The following ACER2 variants were observed in gnomAD, a reference collection of about 807,000 sequenced individuals.
ACER2 encodes the protein alkaline ceramidase 2, also known as alkCDase 2.
In ACER2, 26 loss-of-function variants were observed where a neutral mutation model predicts 34.7. The observed-to-expected ratio is 0.75, with a 90% CI of 0.55 to 1.04. The LOEUF is 1.04. Ranked by LOEUF, ACER2 falls within the 50% of genes least tolerant of loss-of-function variation. The pLI, the probability that ACER2 is intolerant of heterozygous loss-of-function variation, is 0.00. For missense variants in ACER2, 352 were observed against 340.8 expected, an observed-to-expected ratio of 1.03 and a Z score of -0.26; for synonymous variants, 138 against 132.1, an observed-to-expected ratio of 1.04 and a Z score of -0.31.
intron 1 of ACER2, among the ~76,000 whole-genome samples, chr9:19,421,349 A>G (rs948659661): frequency 6.6e-6 from 1 of 152,212 alleles, no homozygotes; most frequent in Non-Finnish European, 1.5e-5. Context: ...GCAACAATTA[A>G]TGTATGAATA....
At chr9:19,437,475 C>T (rs1412390039) in intron 4 of ACER2, among the ~76,000 whole-genome samples, 1 of 152,178 alleles carries the variant, frequency 6.6e-6, no homozygotes, top group African/African-American at 2.4e-5. Context: ...CACCCTCACA[C>T]CCCTCCAGAG....
At chr9:19,426,358 T>TTC (rs59963606) in intron 3 of ACER2, among the ~76,000 whole-genome samples, 8,169 of 117,972 alleles carry the variant, frequency 0.069, 327 homozygotes, top group East Asian at 0.22. Flanking sequence ...CTCCCTCTCT[T>TTC]TCTCTCTCTC....
chr9:19,442,969 A>G (rs1473788082), intron 4 of ACER2, among the ~76,000 whole-genome samples: 1 of 151,788 alleles, frequency 6.6e-6, no homozygotes, highest in Non-Finnish European at 1.5e-5. Flanking sequence ...AGTAGCTGGG[A>G]CTACAGATGC....
intron 4 of ACER2, among the ~76,000 whole-genome samples, chr9:19,445,071 G>C (rs1174794734): frequency 6.6e-6 from 1 of 152,206 alleles, no homozygotes; most frequent in East Asian, 1.9e-4. Flanking sequence ...CAGATGTCGT[G>C]TTGTATTCTG....
At chr9:19,425,518 A>G (rs554601534) in intron 3 of ACER2, among the ~76,000 whole-genome samples, 1 of 152,256 alleles carries the variant, frequency 6.6e-6, no homozygotes, top group South Asian at 2.1e-4. Flanking sequence ...CACAGTAAAC[A>G]AAACAGCAGT....
intron 4 of ACER2, among the ~76,000 whole-genome samples, chr9:19,439,920 T>A (rs1200682939): frequency 6.6e-6 from 1 of 150,592 alleles, no homozygotes; most frequent in African/African-American, 2.5e-5. Flanking sequence ...TGCGTGGAGA[T>A]GTGGAGATCA....
chr9:19,426,351 CCTCTCTTTCTCTCT>C (rs1563878904), intron 3 of ACER2, among the ~76,000 whole-genome samples: 1 of 111,638 alleles, frequency 9.0e-6, no homozygotes, highest in African/African-American at 3.7e-5. Context: ...TGTCTTTCTC[CCTCTCTTTCTCTCT>C]CTCTCTCTCT....
chr9:19,450,408 C>G, intron 5 of ACER2, 42 bp from the exon 6 acceptor site: 1 of 1,536,388 alleles, frequency 6.5e-7, no homozygotes, highest in Non-Finnish European at 8.9e-7. Context: ...GCAGCGGAGT[C>G]TTCATGCTCA....
intron 4 of ACER2, among the ~76,000 whole-genome samples, chr9:19,438,147 G>C (rs1024400624): frequency 6.6e-6 from 1 of 152,184 alleles, no homozygotes; most frequent in Non-Finnish European, 1.5e-5. Flanking sequence ...TACTAGCCTG[G>C]AAACTTTGGG....
chr9:19,418,709 G>A (rs186819557), intron 1 of ACER2, among the ~76,000 whole-genome samples: 6 of 152,272 alleles, frequency 3.9e-5, no homozygotes, highest in African/African-American at 1.4e-4. Flanking sequence ...TAGAGGGCTA[G>A]GGGAGGGATA....
intron 3 of ACER2, among the ~76,000 whole-genome samples, chr9:19,428,064 TTTCCTTTCCTTTCCTTCTCTC>T (rs1830633658): frequency 7.1e-6 from 1 of 140,098 alleles, no homozygotes. Flanking sequence ...TTTCCTTTCC[TTTCCTTTCCTTTCCTTCTCTC>T]TCTCTCTCTC....
At chr9:19,446,203 A>C in intron 4 of ACER2, 78 bp from the exon 5 acceptor site, 4 of 1,605,186 alleles carry the variant, frequency 2.5e-6, no homozygotes, top group Non-Finnish European at 3.4e-6. Context: ...GAACCAGCGA[A>C]GGAGACACAG....
intron 1 of ACER2, among the ~76,000 whole-genome samples, chr9:19,416,521 T>G (rs1324596059): frequency 5.3e-5 from 8 of 152,018 alleles, no homozygotes; most frequent in African/African-American, 1.9e-4. Context: ...TTATTTATTT[T>G]TATTTTTTAT....
intron 1 of ACER2, among the ~76,000 whole-genome samples, chr9:19,421,722 A>G (rs893593708): frequency 1.3e-5 from 2 of 152,202 alleles, no homozygotes; most frequent in African/African-American, 4.8e-5. Flanking sequence ...TGAATTGTAC[A>G]CTTTAAAATG....
intron 4 of ACER2, 125 bp from the exon 5 acceptor site, chr9:19,446,156 T>C (rs1189546372): frequency 7.4e-7 from 1 of 1,357,308 alleles, no homozygotes; most frequent in South Asian, 1.2e-5. Flanking sequence ...GTGTGTTGGG[T>C]AAGAACTTCA....
At chr9:19,423,819 T>G in intron 1 of ACER2, 43 bp from the exon 2 acceptor site, 1 of 1,517,048 alleles carries the variant, frequency 6.6e-7, no homozygotes, top group Non-Finnish European at 9.1e-7. Context: ...TTTGCCCTTT[T>G]TACTTAATAC....
At chr9:19,416,069 T>A (rs2132460873) in intron 1 of ACER2, among the ~76,000 whole-genome samples, 3 of 152,006 alleles carry the variant, frequency 2.0e-5, no homozygotes, top group Admixed American at 2.0e-4. Context: ...CCTTTTTTTT[T>A]TTTTTACAAG....
chr9:19,428,076 T>C (rs1830634893), intron 3 of ACER2, among the ~76,000 whole-genome samples: 1 of 138,290 alleles, frequency 7.2e-6, no homozygotes, highest in Admixed American at 7.8e-5. Context: ...TCCTTTCCTT[T>C]CCTTCTCTCT....
chr9:19,430,441 T>C (rs941573146), intron 3 of ACER2, among the ~76,000 whole-genome samples: 1 of 152,112 alleles, frequency 6.6e-6, no homozygotes, highest in African/African-American at 2.4e-5. Context: ...AAACACCCTG[T>C]TGGGGCCTCT....
Sources: allele counts gnomAD v4.1 joint callset (sites outside exome capture counted in the v4.1 genomes callset), GRCh38; gene constraint gnomAD v4.1.1; transcripts MANE v1.5; gene names NCBI Gene and HGNC (gene_info 2026-07-23, HGNC 2026-07-21).